FBN2: variants seen among roughly 807,000 people sequenced by gnomAD.
FBN2 encodes the protein fibrillin-2.
FBN2 carries 105 observed loss-of-function variants against 355.6 expected under a neutral mutation model. The observed-to-expected ratio is 0.30, with a 90% confidence interval of 0.25 to 0.35. The LOEUF is 0.35. FBN2 is among the 10% of genes least tolerant of loss of function. The probability of loss-of-function intolerance (pLI) is 1.00; values close to 1 mark genes in which losing one functional copy is unlikely to be tolerated. For synonymous variants in FBN2, 1,350 were observed against 1,301.2 expected (o/e 1.04, Z -0.81); for missense variants, 3,280 against 3,758.7 (o/e 0.87, Z 3.33).
intron 55 of FBN2, 128 bp downstream of exon 55, chr5:128,286,589 AG>A (rs1749150419): frequency 9.3e-7 from 1 of 1,080,824 alleles, no homozygotes; most frequent in Non-Finnish European, 1.4e-6. Context: ...GAAGAAAGCT[AG>A]CTGTATCACT....
At position 128,403,191 on chromosome 5, in the gene FBN2, GA is replaced by G. The variant is rs1185210942; in HGVS notation, c.1078+5482del. On this transcript the variant is annotated intron_variant, in intron 8 of 64. Coordinates refer to ENST00000262464, the MANE Select transcript of FBN2 (RefSeq NM_001999.4). ...GTACCTTGCCCTTTTCTTGAAAAAG[GA>G]AAAAAAAAACCCATATACTGGTCAT... Among the ~76,000 whole-genome samples, 14 of 147,256 alleles carry G rather than the reference GA, an allele frequency of 9.5e-5. No homozygotes were observed. In the East Asian group the frequency reaches 1.6e-3, roughly 17 times the overall value.
chr5:128,393,053 T>G, intron 10 of FBN2, 82 bp downstream of exon 10: 1 of 1,153,964 alleles, frequency 8.7e-7, no homozygotes, highest in South Asian at 1.2e-5. Context: ...ACAACCCTTT[T>G]GAAAAATTAA....
At chr5:128,530,319 G>A (rs538473073) in intron 3 of FBN2, among the ~76,000 whole-genome samples, 1 of 152,264 alleles carries the variant, frequency 6.6e-6, no homozygotes, top group South Asian at 2.1e-4. Context: ...CACATGTTAA[G>A]CAAAGGCAAC....
chr5:128,495,699 A>G (rs1241075447), intron 5 of FBN2, among the ~76,000 whole-genome samples: 1 of 152,164 alleles, frequency 6.6e-6, no homozygotes, highest in East Asian at 1.9e-4. Context: ...AAAAATCAAC[A>G]AAATCAAAAG....
chr5:128,448,558 C>T (rs1306192075), intron 6 of FBN2, among the ~76,000 whole-genome samples: 2 of 152,050 alleles, frequency 1.3e-5, no homozygotes, highest in African/African-American at 4.8e-5. Flanking sequence ...CTGCCCGCCT[C>T]GGCCTCCCAA....
intron 11 of FBN2, among the ~76,000 whole-genome samples, chr5:128,389,290 G>A (rs1752448632): frequency 6.6e-6 from 1 of 152,218 alleles, no homozygotes. Flanking sequence ...GTGCATGCCA[G>A]CAAAGTTGTG....
intron 54 of FBN2, among the ~76,000 whole-genome samples, 189 bp downstream of exon 54, chr5:128,287,119 C>A (rs759030670): frequency 2.0e-5 from 3 of 152,128 alleles, no homozygotes; most frequent in African/African-American, 7.2e-5. Context: ...CATCTTATCT[C>A]GGACTTGATT....
intron 43 of FBN2, 52 bp downstream of exon 43, chr5:128,305,771 A>G (rs2126839090): frequency 1.2e-6 from 2 of 1,605,528 alleles, no homozygotes; most frequent in Non-Finnish European, 1.7e-6. Context: ...TCTAAATGCT[A>G]TATATGTATA....
In FBN2 at chr5:128,297,736, C is replaced by A. The variant is rs1017169390; in HGVS notation, c.6166+3081G>T. On this transcript the variant is annotated intron_variant, in intron 48 of 64. Coordinates refer to ENST00000262464, the MANE Select transcript of FBN2 (RefSeq NM_001999.4). ...ATTTTGAGCCTATGTGTGTCTCTGC[C>A]CGTGAGATGGGTTTCCTGAATACAG... Among the ~76,000 whole-genome samples the A allele has an allele frequency of 8.2e-4, 124 of 152,082 alleles. 1 individual carries two copies. The highest frequency in any genetic ancestry group is 2.1e-3 in the Admixed American group (32 of 15,272).
intron 4 of FBN2, among the ~76,000 whole-genome samples, chr5:128,522,766 T>C (rs1034798227): frequency 2.6e-5 from 4 of 152,098 alleles, no homozygotes; most frequent in African/African-American, 7.2e-5. Context: ...CAAAAAAGAA[T>C]GGAAACAGCA....
intron 11 of FBN2, among the ~76,000 whole-genome samples, chr5:128,384,242 A>AT (rs1752310585): frequency 6.6e-6 from 1 of 152,082 alleles, no homozygotes; most frequent in East Asian, 1.9e-4. Flanking sequence ...ATGCAAAGTA[A>AT]TGTACAGTGA....
At chr5:128,309,886 G>GAACTTCCA in intron 40 of FBN2, 97 bp downstream of exon 40, 1 of 1,370,778 alleles carries the variant, frequency 7.3e-7, no homozygotes, top group Non-Finnish European at 1.0e-6. Context: ...CACGAAGACT[G>GAACTTCCA]AACTTCCAAA....
chr5:128,386,290 G>A (rs1454523218), intron 11 of FBN2, among the ~76,000 whole-genome samples: 8 of 151,888 alleles, frequency 5.3e-5, no homozygotes, highest in Admixed American at 5.3e-4. Flanking sequence ...CCCTTTCTTT[G>A]TTGCTTGTTT....
intron 58 of FBN2, 21 bp from the exon 59 acceptor site, chr5:128,276,181 G>A (rs558351095): frequency 1.9e-6 from 3 of 1,612,048 alleles, no homozygotes; most frequent in Non-Finnish European, 2.5e-6. Context: ...GTGATGTGAA[G>A]ATTAAATTAC....
chr5:128,428,386 T>A (rs186164181), intron 7 of FBN2, among the ~76,000 whole-genome samples: 1 of 152,254 alleles, frequency 6.6e-6, no homozygotes, highest in East Asian at 1.9e-4. Flanking sequence ...CTGGACTACA[T>A]CTCTAAACCC....
In FBN2 at chr5:128,404,651, T is replaced by G. The variant is rs901628172; in HGVS notation, c.1078+4023A>C. Reference sequence around the variant, plus strand: ...CAGAAAAGATTTACTCAGCACAAACTTCTATGCAAGATGCCTATTACATAA... The same window carrying G: ...CAGAAAAGATTTACTCAGCACAAACGTCTATGCAAGATGCCTATTACATAA... On this transcript the variant is annotated intron_variant, in intron 8 of 64. Transcript: ENST00000262464. Among the ~76,000 whole-genome samples, 2 of 152,230 alleles carry G rather than the reference T, an allele frequency of 1.3e-5. 1 individual carries two copies. The highest frequency in any genetic ancestry group is 4.1e-4 in the South Asian group (2 of 4,826).
intron 19 of FBN2, among the ~76,000 whole-genome samples, chr5:128,359,959 C>T (rs552119453): frequency 4.6e-5 from 7 of 152,218 alleles, no homozygotes; most frequent in African/African-American, 1.4e-4. Context: ...TTCCGCATTA[C>T]GTGTCTCTCA....
chr5:128,454,857 G>C lies in FBN2; in HGVS notation c.827-8251C>G, dbSNP rs114365253. Among the ~76,000 whole-genome samples, 763 of 152,290 alleles carry C rather than the reference G, an allele frequency of 5.0e-3. 5 individuals are homozygous for C. Among genetic ancestry groups the C allele is most frequent in the Non-Finnish European group, 7.9e-3 (535 of 68,038 alleles). On this transcript the variant is annotated intron_variant, in intron 6 of 64. Transcript: ENST00000262464. ...TTCACATTACCTGGAAAGGAGCAGA[G>C]GCTTGGCATCAATGTTATTATCATC...
At chr5:128,522,717 G>C (rs545633210) in intron 4 of FBN2, among the ~76,000 whole-genome samples, 3 of 152,118 alleles carry the variant, frequency 2.0e-5, no homozygotes, top group Non-Finnish European at 4.4e-5. Context: ...AATGAATTAT[G>C]ATGAAAGGTA....
Sources: allele counts gnomAD v4.1 joint callset (sites outside exome capture counted in the v4.1 genomes callset), GRCh38; gene constraint gnomAD v4.1.1; transcripts MANE v1.5; gene names NCBI Gene and HGNC (gene_info 2026-07-23, HGNC 2026-07-21).